The following B4GALNT3 variants were observed in gnomAD, a reference collection of about 807,000 sequenced individuals.
The protein encoded by B4GALNT3 is beta-1,4-N-acetylgalactosaminyltransferase 3.
A neutral mutation model predicts 120.2 loss-of-function variants in B4GALNT3; 86 were observed. That is an observed-to-expected ratio of 0.72 (90% CI 0.60 to 0.86). The LOEUF (loss-of-function observed/expected upper bound fraction) is 0.86. Ranked by LOEUF, B4GALNT3 falls within the 40% of genes least tolerant of loss-of-function variation. B4GALNT3 has a pLI of 0.00. For synonymous variants in B4GALNT3, 518 were observed against 510.4 expected, an observed-to-expected ratio of 1.01 and a Z score of -0.20; for missense variants, 1,167 against 1,298.9, an observed-to-expected ratio of 0.90 and a Z score of 1.56.
rs1170811562 is a variant in B4GALNT3, at chr12:548,842, A to G, written c.853+545A>G. ...AGCCCAGGAGTTCGAAGCTGAAGCT[A>G]CAGTGAGCTGTAATTGGGTCACTGT... On this transcript the variant is annotated intron_variant, in intron 9 of 19. Coordinates refer to ENST00000266383, the MANE Select transcript of B4GALNT3 (RefSeq NM_173593.4). The surrounding 1 kb of genome is among the most constrained non-coding windows in gnomAD (Gnocchi z 4.9). Among the ~76,000 whole-genome samples, 3 of 152,226 alleles carry G rather than the reference A, an allele frequency of 2.0e-5. No individual in the cohort carries two copies. Among genetic ancestry groups the G allele is most frequent in the Non-Finnish European group, 4.4e-5 (3 of 68,040 alleles).
rs367958189 is a variant in B4GALNT3 at position 483,651 on chromosome 12, T to C, written c.169+23106T>C. Among the ~76,000 whole-genome samples, 25 of 152,182 alleles carry C rather than the reference T, an allele frequency of 1.6e-4. 8 individuals carry two copies. The highest frequency in any genetic ancestry group is 3.3e-4 in the Admixed American group (5 of 15,268). ...AGGCAGAGGTTGCAGAGAGCTGAGG[T>C]CATGCCACTGCACTCCAGCCTGGGC... On this transcript the variant is annotated intron_variant, in intron 1 of 19. Coordinates refer to ENST00000266383, the MANE Select transcript of B4GALNT3 (RefSeq NM_173593.4).
At position 553,432 on chromosome 12, in the gene B4GALNT3, C is replaced by G. The variant is rs545087431; in HGVS notation, c.1509C>G (p.Thr503=). The part of the protein sequence containing the change: ...RNSTASFPGR[T]SHIPVQQPEK... ...CCACAGCGTCCTTCCCAGGGAGGAC[C>G]AGCCACATTCCAGTGCAGCAGCCAG... The change falls in exon 14 of 20, where the codon ACC becomes ACG. Residue 503 remains threonine, a synonymous_variant. Coordinates refer to ENST00000266383, the MANE Select transcript of B4GALNT3 (RefSeq NM_173593.4). 3 of 1,614,112 alleles carry G rather than the reference C, an allele frequency of 1.9e-6. No individual in the cohort carries two copies. Among genetic ancestry groups the G allele is most frequent in the Admixed American group, 3.3e-5 (2 of 60,032 alleles).
At chr12:484,709 G>T (rs1946273596) in intron 1 of B4GALNT3, among the ~76,000 whole-genome samples, 2 of 151,730 alleles carry the variant, frequency 1.3e-5, no homozygotes, top group South Asian at 4.2e-4. Context: ...CCCCAGGCTG[G>T]CCCAAGGATT....
chr12:484,804 A>T (rs1364930907), intron 1 of B4GALNT3, among the ~76,000 whole-genome samples: 1 of 136,318 alleles, frequency 7.3e-6, no homozygotes, highest in Non-Finnish European at 1.6e-5. Context: ...AAAATTAAAA[A>T]AAAAAAAAAA....
chr12:502,989 G>A (rs1021826220), intron 1 of B4GALNT3, among the ~76,000 whole-genome samples: 15 of 152,096 alleles, frequency 9.9e-5, no homozygotes, highest in African/African-American at 3.4e-4. Context: ...GAACTCCAAG[G>A]CTTAAGCTAT....
chr12:529,282 T>C (rs1254936345), intron 1 of B4GALNT3, among the ~76,000 whole-genome samples: 4 of 152,240 alleles, frequency 2.6e-5, no homozygotes, highest in Non-Finnish European at 5.9e-5. Context: ...TTGGCATTCA[T>C]GAGTTGCCTC....
At chr12:558,363 C>A in intron 17 of B4GALNT3, 145 bp from the exon 18 acceptor site, 1 of 813,748 alleles carries the variant, frequency 1.2e-6, no homozygotes. Flanking sequence ...ATGTTCAGCA[C>A]TGTGGAACTC....
intron 1 of B4GALNT3, among the ~76,000 whole-genome samples, chr12:516,674 A>T (rs1040944873): frequency 6.6e-6 from 1 of 152,236 alleles, no homozygotes; most frequent in African/African-American, 2.4e-5. Flanking sequence ...CTCATTGGCC[A>T]TCAGAAGGAT....
chr12:556,524 C>A, intron 14 of B4GALNT3, 23 bp from the exon 15 acceptor site: 2 of 1,596,852 alleles, frequency 1.3e-6, no homozygotes, highest in African/African-American at 1.3e-5. Context: ...AACCACTCAG[C>A]CTCCCCACAC....
At chr12:465,500 C>G (rs1360300352) in intron 1 of B4GALNT3, among the ~76,000 whole-genome samples, 1 of 145,944 alleles carries the variant, frequency 6.9e-6, no homozygotes, top group African/African-American at 2.5e-5. Flanking sequence ...AGAAGATAAG[C>G]GATAAGACAT....
In B4GALNT3 at chr12:545,331, C is replaced by T. The variant is rs769955427; in HGVS notation, c.539-38C>T. 1.3e-4 allele frequency: 200 copies of T among 1,582,738 alleles called. 1 individual carries two copies. In the Middle Eastern group the frequency reaches 4.8e-3, roughly 38 times the overall value. ...AGCCTCCAGCTTTTATGCTGATGCCCTCCTTGCCCTCATCTGGAAACTCTC... is the reference window on the plus strand; with the variant it reads ...AGCCTCCAGCTTTTATGCTGATGCCTTCCTTGCCCTCATCTGGAAACTCTC... On this transcript the variant is annotated intron_variant, in intron 5 of 19. Transcript: ENST00000266383.
chr12:483,828 A>G (rs943883587), intron 1 of B4GALNT3, among the ~76,000 whole-genome samples: 1 of 152,202 alleles, frequency 6.6e-6, no homozygotes, highest in African/African-American at 2.4e-5. Flanking sequence ...TACCTTGTTC[A>G]GAGTTTCATG....
intron 1 of B4GALNT3, among the ~76,000 whole-genome samples, chr12:502,894 C>T (rs779998205): frequency 3.3e-5 from 5 of 152,140 alleles, no homozygotes; most frequent in Non-Finnish European, 5.9e-5. Context: ...GCTGGGACTA[C>T]AGGCGTGAGC....
intron 1 of B4GALNT3, among the ~76,000 whole-genome samples, chr12:515,576 ATG>A (rs1176883662): frequency 6.6e-6 from 1 of 152,144 alleles, no homozygotes. Context: ...TAAATGCTAA[ATG>A]TGTTAGCTCT....
chr12:510,916 A>G (rs1447271459), intron 1 of B4GALNT3, among the ~76,000 whole-genome samples: 2 of 150,242 alleles, frequency 1.3e-5, no homozygotes, highest in Non-Finnish European at 3.0e-5. Flanking sequence ...TCCTCACCCT[A>G]GAAAGGAACC....
At chr12:463,088 C>G (rs1946038166) in intron 1 of B4GALNT3, among the ~76,000 whole-genome samples, 1 of 152,194 alleles carries the variant, frequency 6.6e-6, no homozygotes, top group African/African-American at 2.4e-5. Flanking sequence ...GCAAGCCACC[C>G]TGCCTCCCCT....
intron 4 of B4GALNT3, 148 bp downstream of exon 4, chr12:544,582 C>T (rs760193214): frequency 5.2e-5 from 39 of 745,070 alleles, no homozygotes; most frequent in Non-Finnish European, 8.1e-5. Context: ...TAATAGTTCC[C>T]TTGTTTCCTT....
intron 6 of B4GALNT3, among the ~76,000 whole-genome samples, chr12:546,002 T>G (rs1400365371): frequency 1.6e-3 from 35 of 22,274 alleles, no homozygotes; most frequent in Admixed American, 2.9e-3. Flanking sequence ...AGTGGGGAGG[T>G]GAGAGGAGTG....
chr12:520,548 AT>A (rs1946697698), intron 1 of B4GALNT3, among the ~76,000 whole-genome samples: 1 of 67,348 alleles, frequency 1.5e-5, no homozygotes, highest in African/African-American at 6.3e-5. Flanking sequence ...GGATGTAAAA[AT>A]CCTGCTCAGT....
Sources: gnomAD v4.1 joint callset for allele counts (sites outside exome capture counted in the v4.1 genomes callset) on GRCh38, gnomAD v4.1.1 for gene constraint, Gnocchi (gnomAD v3.1) non-coding constraint, MANE v1.5 for transcripts, NCBI Gene and HGNC (gene_info 2026-07-23, HGNC 2026-07-21) for gene names.